NDE1: variants seen among roughly 807,000 people sequenced by gnomAD.
NDE1 encodes the protein nuclear distribution protein nudE homolog 1.
NDE1 carries 28 observed loss-of-function variants against 43.4 expected under a neutral mutation model. The observed-to-expected ratio is 0.65, with a 90% CI of 0.48 to 0.89. The LOEUF (loss-of-function observed/expected upper bound fraction) is 0.89, where lower values mean the gene tolerates loss of function less well. NDE1 is among the 40% of genes least tolerant of loss of function. NDE1 has a pLI of 0.00. For missense variants in NDE1, 441 were observed against 434.1 expected, an observed-to-expected ratio of 1.02 and a Z score of -0.14; for synonymous variants, 184 against 172.0, an observed-to-expected ratio of 1.07 and a Z score of -0.55.
At chr16:15,710,341 T>C (rs1212338794) in intron 8 of NDE1, among the ~76,000 whole-genome samples, 1 of 151,972 alleles carries the variant, frequency 6.6e-6, no homozygotes, top group Non-Finnish European at 1.5e-5. Flanking sequence ...GCCAGTATGG[T>C]GAAACCTTGC....
rs2040652574 is a variant in NDE1, at chr16:15,724,564, T to A, written c.*313T>A. ...GGGTCAAGCACCATCGCACCAACAC[T>A]CCACCGCGATCTGCCTGCGGGGGAT... On this transcript the variant is annotated 3_prime_UTR_variant, in exon 9 of 9. Coordinates refer to ENST00000396354, the MANE Select transcript of NDE1 (RefSeq NM_017668.3). 6.2e-7 allele frequency: 1 copy of A among 1,609,128 alleles called. No homozygotes were observed. The highest frequency in any genetic ancestry group is 8.5e-7 in the Non-Finnish European group (1 of 1,177,646).
At chr16:15,703,959 T>G in intron 8 of NDE1, 1 of 1,613,844 alleles carries the variant, frequency 6.2e-7, no homozygotes, top group African/African-American at 1.3e-5. Context: ...TTTTTGGTTT[T>G]CTTGCCGTGG....
In NDE1 at chr16:15,697,904, C is replaced by T. The variant is rs534681484; in HGVS notation, c.947+1044C>T. On this transcript the variant is annotated intron_variant, in intron 8 of 8. Coordinates refer to ENST00000396354, the MANE Select transcript of NDE1 (RefSeq NM_017668.3). ...TCACTGCAACCTCTGCCTCCCAAGTCCAAGCAATTCTCCTGCCTCAGCCTC... is the reference window on the plus strand; with the variant it reads ...TCACTGCAACCTCTGCCTCCCAAGTTCAAGCAATTCTCCTGCCTCAGCCTC... 1.4e-3 allele frequency among the ~76,000 whole-genome samples: 212 copies of T among 151,132 alleles called. 1 individual carries two copies. Among genetic ancestry groups the T allele is most frequent in the South Asian group, 2.5e-3 (12 of 4,724 alleles).
rs1012690926 is a variant in NDE1 at position 15,678,900 on chromosome 16, A to C, written c.386+951A>C. ...GACCATCCTGGCTAACATGGTGAAA[A>C]CCCGTCTCTACTAAAAATACAAAAA... On this transcript the variant is annotated intron_variant, in intron 4 of 8. Coordinates refer to ENST00000396354, the MANE Select transcript of NDE1 (RefSeq NM_017668.3). Among the ~76,000 whole-genome samples the C allele has an allele frequency of 6.6e-5, 10 of 151,688 alleles. No homozygotes were observed. The East Asian group carries it at 1.6e-3, about 24-fold the overall frequency.
At chr16:15,717,432 T>G in intron 8 of NDE1, 1 of 1,454,506 alleles carries the variant, frequency 6.9e-7, no homozygotes, top group Non-Finnish European at 9.5e-7. Context: ...CTGCCTTGTT[T>G]GGCCTCTGCA....
upstream of NDE1, among the ~76,000 whole-genome samples, chr16:15,648,313 TTCTAAC>T (rs1343998962): frequency 6.6e-6 from 1 of 152,318 alleles, no homozygotes; most frequent in Admixed American, 6.5e-5. Flanking sequence ...ATCTTATTCA[TTCTAAC>T]TCTATTTTTG....
At chr16:15,707,293 T>C (rs1359655416) in intron 8 of NDE1, among the ~76,000 whole-genome samples, 1 of 152,158 alleles carries the variant, frequency 6.6e-6, no homozygotes, top group African/African-American at 2.4e-5. Flanking sequence ...CCTCCCAAAG[T>C]GCTGGGATTA....
chr16:15,715,538 G>A (rs1261027202), intron 8 of NDE1, among the ~76,000 whole-genome samples: 1 of 152,218 alleles, frequency 6.6e-6, no homozygotes, highest in Non-Finnish European at 1.5e-5. Context: ...TTGATATCAA[G>A]TGTCCAGAAT....
chr16:15,700,364 G>A (rs1236849697), intron 8 of NDE1: 1 of 153,382 alleles, frequency 6.5e-6, no homozygotes, highest in Non-Finnish European at 1.4e-5. Flanking sequence ...CTCCCAGAAT[G>A]CTGGGATTTC....
chr16:15,702,570 C>CAAA (rs1188841731), intron 8 of NDE1, among the ~76,000 whole-genome samples: 1 of 150,870 alleles, frequency 6.6e-6, no homozygotes, highest in Non-Finnish European at 1.5e-5. Flanking sequence ...ACAACAACAA[C>CAAA]AAAAAAACAC....
Position 15,725,921 on chromosome 16 carries a change from G to T in NDE1, c.*1670G>T, listed in dbSNP as rs1049141665. On this transcript the variant is annotated 3_prime_UTR_variant, in exon 9 of 9. Transcript: ENST00000396354. ...TTCTCAAAAGCCCTACATCATCTGGGTACAAGCTCCCCCTCCAACCCCACT... is the reference window on the plus strand; with the variant it reads ...TTCTCAAAAGCCCTACATCATCTGGTTACAAGCTCCCCCTCCAACCCCACT... 9 of 377,674 alleles carry T rather than the reference G, an allele frequency of 2.4e-5. No homozygotes were observed. The highest frequency in any genetic ancestry group is 4.2e-5 in the African/African-American group (2 of 48,106). 23.4% of individuals were successfully genotyped at this position (377,674 alleles called of 1,614,324 possible). A position where few individuals can be genotyped will look rare whatever the true frequency, so the allele number is the denominator to read the frequency against.
intron 7 of NDE1, chr16:15,694,601 G>A: frequency 1.0e-6 from 1 of 981,942 alleles, no homozygotes. Flanking sequence ...TCCCAGGTTG[G>A]CCTCCCAAAG....
chr16:15,715,211 G>C, intron 8 of NDE1: 1 of 1,614,110 alleles, frequency 6.2e-7, no homozygotes, highest in Non-Finnish European at 8.5e-7. Context: ...TCCACCTGCA[G>C]CAAGATTTCC....
chr16:15,703,112 GC>G (rs2039276503), intron 8 of NDE1: 1 of 180,352 alleles, frequency 5.5e-6, no homozygotes, highest in Non-Finnish European at 1.2e-5. Flanking sequence ...ATAGAAAACA[GC>G]TCAACAGAAA....
chr16:15,680,765 C>G (rs796590218), intron 4 of NDE1, among the ~76,000 whole-genome samples: 12 of 152,222 alleles, frequency 7.9e-5, no homozygotes, highest in African/African-American at 2.6e-4. Context: ...GTCTTGAACT[C>G]CTGACCTCAA....
intron 1 of NDE1, among the ~76,000 whole-genome samples, chr16:15,661,793 A>G (rs374556502): frequency 2.2e-4 from 34 of 152,054 alleles, no homozygotes; most frequent in Middle Eastern, 3.4e-3. Flanking sequence ...GCGGCACCCA[A>G]TTGCCTAAGG....
intron 1 of NDE1, among the ~76,000 whole-genome samples, chr16:15,656,447 C>G (rs1339688218): frequency 6.6e-6 from 1 of 152,138 alleles, no homozygotes; most frequent in Non-Finnish European, 1.5e-5. Context: ...ATCTCAGATT[C>G]ATTTCTTTCC....
At chr16:15,673,720 T>G (rs1364039422) in intron 3 of NDE1, among the ~76,000 whole-genome samples, 2 of 152,014 alleles carry the variant, frequency 1.3e-5, no homozygotes, top group African/African-American at 4.8e-5. Context: ...TCTGTAGAGA[T>G]GGAGTCTTCC....
chr16:15,709,286 T>C (rs2039646497), intron 8 of NDE1, among the ~76,000 whole-genome samples: 1 of 151,966 alleles, frequency 6.6e-6, no homozygotes. Flanking sequence ...GTGAATCACC[T>C]GACGCCAAGA....
Sources: allele counts gnomAD v4.1 joint callset (sites outside exome capture counted in the v4.1 genomes callset), GRCh38; gene constraint gnomAD v4.1.1; transcripts MANE v1.5; gene names NCBI Gene and HGNC (gene_info 2026-07-23, HGNC 2026-07-21).